TMLHE: variants seen among roughly 807,000 people sequenced by gnomAD.
The protein encoded by TMLHE is trimethyllysine dioxygenase, mitochondrial.
In TMLHE, 18 loss-of-function variants were observed where a neutral mutation model predicts 25.7. That is an observed-to-expected ratio of 0.70 (90% CI 0.48 to 1.04). The LOEUF (loss-of-function observed/expected upper bound fraction) is 1.04, where lower values mean the gene tolerates loss of function less well. TMLHE is among the 50% of genes least tolerant of loss of function. The pLI is 0.00. For synonymous variants in TMLHE, 105 were observed against 97.0 expected (o/e 1.08, Z -0.49); for missense variants, 236 against 259.0 (o/e 0.91, Z 0.61).
At chrX:155,596,112 C>T (rs782717339) in intron 1 of TMLHE, among the ~76,000 whole-genome samples, 3 of 111,969 alleles carry the variant, frequency 2.7e-5, no homozygotes, top group East Asian at 2.8e-4. Flanking sequence ...CTAACTCTAC[C>T]GCTTTGTGCA....
intron 1 of TMLHE, among the ~76,000 whole-genome samples, chrX:155,546,280 C>G (rs1185499273): frequency 1.8e-5 from 2 of 111,279 alleles, no homozygotes; most frequent in African/African-American, 6.5e-5. Flanking sequence ...CTTGATAAAC[C>G]TGCTTGGAGT....
chrX:155,515,393 G>A (rs1038601388), intron 3 of TMLHE, among the ~76,000 whole-genome samples: 2 of 109,907 alleles, frequency 1.8e-5, no homozygotes, highest in South Asian at 3.8e-4. Context: ...TTCTGGGTAT[G>A]TACATTTATT....
At chrX:155,582,689 T>G (rs1280788718) in intron 1 of TMLHE, among the ~76,000 whole-genome samples, 1 of 111,962 alleles carries the variant, frequency 8.9e-6, no homozygotes, top group African/African-American at 3.3e-5. Context: ...CTGGAGAGGA[T>G]GCAGAGAAAT....
At chrX:155,558,281 A>G (rs1235129745) in intron 1 of TMLHE, among the ~76,000 whole-genome samples, 1 of 111,725 alleles carries the variant, frequency 9.0e-6, no homozygotes, top group Admixed American at 9.5e-5. Flanking sequence ...CCTTTTATTC[A>G]TCTTTTAAGA....
At chrX:155,595,025 A>G (rs2067713384) in intron 1 of TMLHE, among the ~76,000 whole-genome samples, 1 of 112,118 alleles carries the variant, frequency 8.9e-6, no homozygotes, top group African/African-American at 3.2e-5. Context: ...TCACGAATGC[A>G]TAAAATATAT....
At chrX:155,580,067 G>T (rs1047499312) in intron 1 of TMLHE, among the ~76,000 whole-genome samples, 2 of 111,353 alleles carry the variant, frequency 1.8e-5, no homozygotes, top group African/African-American at 6.5e-5. Flanking sequence ...ATTTGCAAAC[G>T]ATGCATCCAA....
At chrX:155,575,344 G>A (rs1398979391) in intron 1 of TMLHE, among the ~76,000 whole-genome samples, 9 of 111,945 alleles carry the variant, frequency 8.0e-5, no homozygotes, top group African/African-American at 1.3e-4. Context: ...TTTAACATAC[G>A]AATTTTGGAG....
intron 2 of TMLHE, among the ~76,000 whole-genome samples, chrX:155,538,020 A>G (rs1319331185): frequency 9.0e-6 from 1 of 111,359 alleles, no homozygotes; most frequent in Non-Finnish European, 1.9e-5. Context: ...CAAGAATACA[A>G]TATCATCATT....
chrX:155,526,544 C>T (rs1421302277), intron 2 of TMLHE, among the ~76,000 whole-genome samples: 1 of 112,512 alleles, frequency 8.9e-6, no homozygotes, highest in Non-Finnish European at 1.9e-5. Context: ...AAGCCCCACA[C>T]AGAGTCCCCA....
chrX:155,504,644 A>G (rs2067066286), intron 6 of TMLHE, among the ~76,000 whole-genome samples: 1 of 111,560 alleles, frequency 9.0e-6, no homozygotes, highest in African/African-American at 3.3e-5. Context: ...GAAACTAAGC[A>G]TTCACCTACT....
intron 2 of TMLHE, among the ~76,000 whole-genome samples, chrX:155,530,279 A>G (rs1438424378): frequency 1.8e-5 from 2 of 111,823 alleles, no homozygotes; most frequent in Non-Finnish European, 3.8e-5. Context: ...AATATGGATG[A>G]ACCTGGAGGA....
intron 1 of TMLHE, among the ~76,000 whole-genome samples, chrX:155,590,130 G>A (rs1372226702): frequency 8.9e-6 from 1 of 111,983 alleles, no homozygotes. Flanking sequence ...AAGTAATAAA[G>A]GTAAAGATTA....
At chrX:155,587,602 T>C (rs1256167406) in intron 1 of TMLHE, among the ~76,000 whole-genome samples, 1 of 111,618 alleles carries the variant, frequency 9.0e-6, no homozygotes, top group Non-Finnish European at 1.9e-5. Context: ...TATGATCTTA[T>C]ATCTAAAAAA....
chrX:155,610,088 G>A (rs782568944), intron 1 of TMLHE, among the ~76,000 whole-genome samples: 2 of 112,193 alleles, frequency 1.8e-5, no homozygotes, highest in East Asian at 2.8e-4. Flanking sequence ...GCACACAAAC[G>A]TTCATAGCAG....
rs1431212253 is a variant in TMLHE at position 155,533,370 on chromosome X, C to CGT, written c.182-8740_182-8739dup. Among the ~76,000 whole-genome samples the CGT allele has an allele frequency of 2.2e-3, 152 of 68,395 alleles. 3 individuals carry two copies. In the East Asian group the frequency reaches 0.064, roughly 29 times the overall value. 59.4% of individuals were successfully genotyped at this position (68,395 alleles called of 115,157 possible). A position where few individuals can be genotyped will look rare whatever the true frequency, so the allele number is the denominator to read the frequency against. On this transcript the variant is annotated intron_variant, in intron 2 of 7. Transcript: ENST00000334398. ...ACACACACATACACATGCACACACA[C>CGT]GTGCACACGCACACACACACACACA...
At chrX:155,550,590 T>C (rs1303342509) in intron 1 of TMLHE, among the ~76,000 whole-genome samples, 1 of 111,055 alleles carries the variant, frequency 9.0e-6, no homozygotes, top group Non-Finnish European at 1.9e-5. Flanking sequence ...ATGAAGCAAT[T>C]CCTGAAGCAA....
intron 1 of TMLHE, among the ~76,000 whole-genome samples, chrX:155,563,625 T>G (rs1454498619): frequency 1.6e-5 from 1 of 61,810 alleles, no homozygotes; most frequent in African/African-American, 3.6e-5. Flanking sequence ...AAATTTGAGA[T>G]GTCTATTAGA....
In TMLHE at chrX:155,596,239, G is replaced by C. The variant is rs781823522; in HGVS notation, c.-2+16553C>G. Among the ~76,000 whole-genome samples, 7 of 112,034 alleles carry C rather than the reference G, an allele frequency of 6.2e-5. No individual in the cohort carries two copies. In the South Asian group the frequency reaches 1.1e-3, roughly 18 times the overall value. On this transcript the variant is annotated intron_variant, in intron 1 of 7. Transcript: ENST00000334398. ...TATTTTGATTGTACAACAAAGCCTGGACAACAAGAAACCTTTTTCTGGATT... is the reference window on the plus strand; with the variant it reads ...TATTTTGATTGTACAACAAAGCCTGCACAACAAGAAACCTTTTTCTGGATT...
Position 155,591,372 on chromosome X carries a change from G to T in TMLHE, c.-2+21420C>A, listed in dbSNP as rs782600428. On this transcript the variant is annotated intron_variant, in intron 1 of 7. Transcript: ENST00000334398. Reference sequence around the variant, plus strand: ...TCAATAGAACACTTCACTCCAAAACGCACATTCTTTTAAGCACACATGTAA... The same window carrying T: ...TCAATAGAACACTTCACTCCAAAACTCACATTCTTTTAAGCACACATGTAA... Among the ~76,000 whole-genome samples the T allele has an allele frequency of 2.7e-5, 3 of 111,445 alleles. No individual in the cohort carries two copies. The South Asian group carries it at 1.1e-3, about 41-fold the overall frequency.
Sources: allele counts gnomAD v4.1 joint callset (sites outside exome capture counted in the v4.1 genomes callset), GRCh38; gene constraint gnomAD v4.1.1; transcripts MANE v1.5; gene names NCBI Gene and HGNC (gene_info 2026-07-23, HGNC 2026-07-21).